SARNP: variants seen among roughly 807,000 people sequenced by gnomAD.
SARNP encodes SAP domain containing ribonucleoprotein, also known as SAP domain-containing ribonucleoprotein.
A neutral mutation model predicts 38.1 loss-of-function variants in SARNP; 5 were observed. The ratio of observed to expected loss-of-function variants is 0.13; its 90% CI spans 0.07 to 0.28. The LOEUF (loss-of-function observed/expected upper bound fraction) is 0.28. SARNP is among the 10% of genes least tolerant of loss of function. The pLI, the probability that SARNP is intolerant of heterozygous loss-of-function variation, is 1.00. For synonymous variants in SARNP, 84 were observed against 80.6 expected (o/e 1.04, Z -0.23); for missense variants, 180 against 243.9 (o/e 0.74, Z 1.75).
intron 9 of SARNP, 176 bp from the exon 10 acceptor site, chr12:55,760,816 G>A (rs1592553157): frequency 3.7e-6 from 2 of 544,962 alleles, no homozygotes; most frequent in East Asian, 5.7e-5. Context: ...ATACTATGTT[G>A]TACCTAGAAT....
chr12:55,771,800 G>C (rs933705361), intron 9 of SARNP, among the ~76,000 whole-genome samples: 12 of 152,132 alleles, frequency 7.9e-5, no homozygotes, highest in African/African-American at 2.9e-4. Context: ...AGGAAAAGAG[G>C]GAGCCTGAAT....
In SARNP at chr12:55,801,528, A is replaced by G. The variant is rs888000888; in HGVS notation, c.137-628T>C. Among the ~76,000 whole-genome samples, 3 of 152,180 alleles carry G rather than the reference A, an allele frequency of 2.0e-5. 1 individual carries two copies. Among genetic ancestry groups the G allele is most frequent in the African/African-American group, 7.2e-5 (3 of 41,434 alleles). On this transcript the variant is annotated intron_variant, in intron 2 of 10. Coordinates refer to ENST00000336133, the MANE Select transcript of SARNP (RefSeq NM_033082.4). Reference sequence around the variant, plus strand: ...TTTGTTTAAAAGAAAAACAACCCAGAACCAAAAGTAAGAGGTGAAAAATTG... The same window carrying G: ...TTTGTTTAAAAGAAAAACAACCCAGGACCAAAAGTAAGAGGTGAAAAATTG...
At chr12:55,755,425 C>G (rs982628329), downstream of SARNP, 3 of 152,200 alleles carry the variant, frequency 2.0e-5, no homozygotes, top group African/African-American at 7.2e-5. Flanking sequence ...GTTCTCCCCA[C>G]AGCTTTTATA....
At chr12:55,798,937 G>C (rs183598926) in intron 4 of SARNP, among the ~76,000 whole-genome samples, 11 of 152,224 alleles carry the variant, frequency 7.2e-5, no homozygotes, top group Non-Finnish European at 1.0e-4. Context: ...AAAACATTCA[G>C]AACAATGCCT....
At chr12:55,775,420 G>A (rs1879149668) in intron 9 of SARNP, among the ~76,000 whole-genome samples, 1 of 150,728 alleles carries the variant, frequency 6.6e-6, no homozygotes, top group Admixed American at 6.6e-5. Context: ...AATTAGCCGG[G>A]CATGGTGGTG....
chr12:55,772,244 C>A (rs1879029398), intron 9 of SARNP, among the ~76,000 whole-genome samples: 1 of 152,180 alleles, frequency 6.6e-6, no homozygotes, highest in South Asian at 2.1e-4. Flanking sequence ...CCAATATAAC[C>A]ACCTTAACCT....
At chr12:55,783,459 T>C (rs774734601) in intron 9 of SARNP, among the ~76,000 whole-genome samples, 2 of 152,144 alleles carry the variant, frequency 1.3e-5, no homozygotes, top group Non-Finnish European at 2.9e-5. Context: ...TGCCATTCTT[T>C]GCCTTGTCAC....
Position 55,789,088 on chromosome 12 carries a change from G to A in SARNP, c.488C>T (p.Ser163Leu). The A allele has an allele frequency of 6.2e-7, 1 of 1,603,794 alleles. No individual in the cohort carries two copies. Among genetic ancestry groups the A allele is most frequent in the Non-Finnish European group, 8.5e-7 (1 of 1,175,026 alleles). ...AGCCTACATTACCTTTCTGGAGATT[G>A]AAGAGACATTCAAACCAAATCTTTG... ...RAQRFGLNVS[S>L]ISRKSEDDEK... The change falls in exon 9 of 11, where the codon TCA becomes TTA. Residue 163 changes from serine (S) to leucine (L), a missense_variant. By Grantham distance (145) the Ser-to-Leu change is moderately radical. Coordinates refer to ENST00000336133, the MANE Select transcript of SARNP (RefSeq NM_033082.4).
At chr12:55,788,762 T>C (rs916922213) in intron 9 of SARNP, among the ~76,000 whole-genome samples, 4 of 151,936 alleles carry the variant, frequency 2.6e-5, no homozygotes, top group African/African-American at 7.3e-5. Flanking sequence ...ATCGCACCAC[T>C]GCACTCCAGC....
intron 9 of SARNP, among the ~76,000 whole-genome samples, chr12:55,769,905 T>C (rs548168955): frequency 1.3e-5 from 2 of 152,322 alleles, no homozygotes; most frequent in Admixed American, 1.3e-4. Flanking sequence ...AGGTTAGGTG[T>C]ATTAAATGCA....
At chr12:55,768,840 C>T (rs1878924356) in intron 9 of SARNP, among the ~76,000 whole-genome samples, 1 of 152,176 alleles carries the variant, frequency 6.6e-6, no homozygotes, top group Non-Finnish European at 1.5e-5. Context: ...TCTCCTGTCT[C>T]AGCCTCTCAA....
chr12:55,762,558 C>T (rs1406469107), intron 9 of SARNP: 4 of 152,194 alleles, frequency 2.6e-5, no homozygotes, highest in Admixed American at 2.0e-4. Flanking sequence ...AGGTGTGAGC[C>T]ACTGCGCCTG....
chr12:55,808,309 C>A (rs993648873), intron 1 of SARNP, among the ~76,000 whole-genome samples: 2 of 151,846 alleles, frequency 1.3e-5, no homozygotes, highest in African/African-American at 4.8e-5. Flanking sequence ...CAGAGTGAGA[C>A]CCTGTTCCTA....
intron 1 of SARNP, among the ~76,000 whole-genome samples, chr12:55,813,519 T>C (rs1440956774): frequency 6.6e-6 from 1 of 150,746 alleles, no homozygotes; most frequent in African/African-American, 2.4e-5. Context: ...AACATGAATT[T>C]TGGACACAGG....
intron 2 of SARNP, 109 bp downstream of exon 2, chr12:55,803,516 GTTAA>G (rs765208928): frequency 3.0e-5 from 17 of 564,578 alleles, no homozygotes; most frequent in African/African-American, 3.9e-5. Context: ...TCTTGATGCC[GTTAA>G]TTAAGAGCTT....
intron 1 of SARNP, among the ~76,000 whole-genome samples, chr12:55,808,807 CT>C: frequency 6.6e-6 from 1 of 151,266 alleles, no homozygotes; most frequent in East Asian, 1.9e-4. Context: ...CATAAAACAG[CT>C]GAAAATGATG....
At chr12:55,776,786 C>T (rs1879195068) in intron 9 of SARNP, among the ~76,000 whole-genome samples, 1 of 152,098 alleles carries the variant, frequency 6.6e-6, no homozygotes. Context: ...AAATTATTTA[C>T]CTTATGTACT....
At chr12:55,754,635 A>C (rs1878446518), downstream of SARNP, 1 of 152,256 alleles carries the variant, frequency 6.6e-6, no homozygotes, top group African/African-American at 2.4e-5. Context: ...CTACTCAGGG[A>C]AAGAAATATG....
chr12:55,805,938 G>C (rs1245041835), intron 1 of SARNP, among the ~76,000 whole-genome samples: 1 of 152,050 alleles, frequency 6.6e-6, no homozygotes, highest in Non-Finnish European at 1.5e-5. Flanking sequence ...TGAGGAGGCT[G>C]AGGCAGGAGA....
Sources: gnomAD v4.1 joint callset for allele counts (sites outside exome capture counted in the v4.1 genomes callset) on GRCh38, gnomAD v4.1.1 for gene constraint, MANE v1.5 for transcripts, NCBI Gene and HGNC (gene_info 2026-07-23, HGNC 2026-07-21) for gene names.